VWA8: variants seen among roughly 807,000 people sequenced by gnomAD.
VWA8 encodes the protein von Willebrand factor A domain containing 8, also known as von Willebrand factor A domain-containing protein 8.
Under a neutral mutation model 241.5 loss-of-function variants are expected in VWA8, and 221 were observed. That is an observed-to-expected ratio of 0.91 (90% CI 0.82 to 1.02). The LOEUF is 1.02. Ranked by LOEUF, VWA8 falls within the 50% of genes least tolerant of loss-of-function variation. VWA8 has a pLI of 0.00. For synonymous variants in VWA8, 852 were observed against 827.1 expected (o/e 1.03, Z -0.52); for missense variants, 2,322 against 2,328.7 (o/e 1.00, Z 0.06).
rs561304193 is a variant in VWA8, at chr13:41,782,057, G to C, written c.2277+1738C>G. Among the ~76,000 whole-genome samples, 3 of 152,302 alleles carry C rather than the reference G, an allele frequency of 2.0e-5. No homozygotes were observed. The South Asian group carries it at 6.2e-4, about 32-fold the overall frequency. ...ACACAATGGAAGCAAATTTAATCAA[G>C]CTACTGTCCGTACAATTGGTACAGC... On this transcript the variant is annotated intron_variant, in intron 19 of 44. Coordinates refer to ENST00000379310, the MANE Select transcript of VWA8 (RefSeq NM_015058.2).
chr13:41,771,619 C>T (rs1439234269), intron 20 of VWA8, among the ~76,000 whole-genome samples: 3 of 152,106 alleles, frequency 2.0e-5, no homozygotes, highest in South Asian at 4.1e-4. Flanking sequence ...TGCTCTGTCA[C>T]CCAGGCTGGA....
intron 17 of VWA8, among the ~76,000 whole-genome samples, chr13:41,802,484 A>C (rs145037828): frequency 1.3e-5 from 2 of 152,156 alleles, no homozygotes; most frequent in African/African-American, 4.8e-5. Context: ...GTTGGAGTGC[A>C]TGTGACCCAG....
intron 42 of VWA8, among the ~76,000 whole-genome samples, chr13:41,586,845 G>T (rs1264524123): frequency 6.6e-6 from 1 of 152,058 alleles, no homozygotes; most frequent in Admixed American, 6.6e-5. Context: ...TAATTACATG[G>T]CATGTGACTG....
At chr13:41,882,804 G>A (rs1342362608) in intron 9 of VWA8, among the ~76,000 whole-genome samples, 1 of 152,110 alleles carries the variant, frequency 6.6e-6, no homozygotes, top group Non-Finnish European at 1.5e-5. Context: ...GAAAGAGAGG[G>A]AGAGGGAGAC....
Position 41,703,331 on chromosome 13 carries a change from G to A in VWA8, c.3197C>T (p.Pro1066Leu). ...ARSGMQKLLC[P>L]VETHHIDIKG... is the part of the protein sequence containing the mutation. Reference sequence around the variant, plus strand: ...TATGTCTATATGATGAGTTTCCACTGGACACAAGAGTTTTTGCATCCCACT... The same window carrying A: ...TATGTCTATATGATGAGTTTCCACTAGACACAAGAGTTTTTGCATCCCACT... Residue 1066 changes from proline (P) to leucine (L), a missense_variant, in exon 27 of 45, where the codon CCA becomes CTA. Physicochemically the swap from Pro to Leu is moderately conservative, Grantham distance 98 (BLOSUM62 -3). Transcript: ENST00000379310. 1 of 1,613,970 alleles carries A rather than the reference G, an allele frequency of 6.2e-7. No homozygotes were observed. Among genetic ancestry groups the A allele is most frequent in the Non-Finnish European group, 8.5e-7 (1 of 1,179,896 alleles).
At chr13:41,570,430 T>C (rs1214290684) in intron 44 of VWA8, 38 bp downstream of exon 44, 3 of 1,571,144 alleles carry the variant, frequency 1.9e-6, no homozygotes, top group African/African-American at 2.7e-5. Context: ...TCAGTATCTC[T>C]GTACCTGCCC....
At chr13:41,729,095 G>A (rs2045460103) in intron 23 of VWA8, among the ~76,000 whole-genome samples, 1 of 151,940 alleles carries the variant, frequency 6.6e-6, no homozygotes, top group Middle Eastern at 3.4e-3. Flanking sequence ...AAAAAACAGA[G>A]GATAACTTCT....
intron 37 of VWA8, among the ~76,000 whole-genome samples, chr13:41,653,981 C>A (rs950281116): frequency 3.9e-5 from 6 of 152,162 alleles, no homozygotes; most frequent in African/African-American, 1.4e-4. Context: ...AAATACCATT[C>A]TGGACATCAG....
chr13:41,901,781 G>T, intron 4 of VWA8, among the ~76,000 whole-genome samples: 1 of 142,956 alleles, frequency 7.0e-6, no homozygotes, highest in East Asian at 2.2e-4. Context: ...CACGAGAATT[G>T]CTTGTACCCA....
At chr13:41,702,929 C>A (rs937225407) in intron 27 of VWA8, among the ~76,000 whole-genome samples, 2 of 152,148 alleles carry the variant, frequency 1.3e-5, no homozygotes, top group African/African-American at 4.8e-5. Flanking sequence ...ACTTCTATTA[C>A]AACTAGTAAC....
In VWA8 at chr13:41,703,364, T is replaced by G; in HGVS notation, c.3164A>C (p.Gln1055Pro). ...QTFMGYWTIG[Q>P]ARSGMQKLLC... is the part of the protein sequence containing the mutation. ...GAGTTTTTGCATCCCACTTCTTGCCTGACCAATTGTCCAGTAGCCCATGAA... is the reference window on the plus strand; with the variant it reads ...GAGTTTTTGCATCCCACTTCTTGCCGGACCAATTGTCCAGTAGCCCATGAA... Residue 1055 changes from glutamine to proline, a missense_variant, in exon 27 of 45, where the codon CAG (glutamine) becomes CCG (proline). By Grantham distance (76) the Gln-to-Pro change is moderately conservative. Transcript: ENST00000379310. 1 of 1,614,130 alleles carries G rather than the reference T, an allele frequency of 6.2e-7. No individual in the cohort carries two copies. The highest frequency in any genetic ancestry group is 8.5e-7 in the Non-Finnish European group (1 of 1,179,984).
At chr13:41,760,114 T>G (rs1331037) in intron 21 of VWA8, among the ~76,000 whole-genome samples, 114,186 of 151,520 alleles carry the variant, frequency 0.75, 44,278 homozygotes, top group East Asian at 0.89. Context: ...AATACCAGGG[T>G]TATTTAATGA....
chr13:41,690,108 C>T (rs1382695152), intron 33 of VWA8, 58 bp downstream of exon 33: 17 of 1,440,916 alleles, frequency 1.2e-5, no homozygotes, highest in Non-Finnish European at 1.6e-5. Flanking sequence ...TTCTAGAAGA[C>T]AGTATATGTA....
chr13:41,869,812 C>T (rs1057468513), intron 9 of VWA8, among the ~76,000 whole-genome samples: 1 of 151,846 alleles, frequency 6.6e-6, no homozygotes, highest in Non-Finnish European at 1.5e-5. Context: ...AAGTTCTATG[C>T]CTTATTTATA....
At chr13:41,708,573 T>A (rs558746606) in intron 26 of VWA8, among the ~76,000 whole-genome samples, 3 of 152,208 alleles carry the variant, frequency 2.0e-5, no homozygotes, top group African/African-American at 7.2e-5. Context: ...CTGCAAATGA[T>A]GTATACCTGA....
chr13:41,930,376 C>G (rs1877048562), intron 2 of VWA8, among the ~76,000 whole-genome samples: 1 of 152,134 alleles, frequency 6.6e-6, no homozygotes, highest in Admixed American at 6.5e-5. Context: ...GATATATACC[C>G]AAAGGAAATA....
At chr13:41,939,959 T>C (rs78912144) in intron 2 of VWA8, among the ~76,000 whole-genome samples, 2,719 of 152,324 alleles carry the variant, frequency 0.018, 86 homozygotes, top group African/African-American at 0.061. Flanking sequence ...TATTTTTCAA[T>C]AATCTTTCAC....
intron 26 of VWA8, among the ~76,000 whole-genome samples, chr13:41,703,710 A>G (rs921454796): frequency 6.6e-6 from 1 of 152,146 alleles, no homozygotes; most frequent in Non-Finnish European, 1.5e-5. Flanking sequence ...TTGAACATCT[A>G]AATTTCTGGT....
At chr13:41,703,260 T>C (rs1343142262) in intron 27 of VWA8, 43 bp downstream of exon 27, 1 of 1,525,898 alleles carries the variant, frequency 6.6e-7, no homozygotes, top group African/African-American at 1.4e-5. Flanking sequence ...CAGCAAAATT[T>C]ATAAGGTTCA....
Sources: gnomAD v4.1 joint callset for allele counts (sites outside exome capture counted in the v4.1 genomes callset) on GRCh38, gnomAD v4.1.1 for gene constraint, MANE v1.5 for transcripts, NCBI Gene and HGNC (gene_info 2026-07-23, HGNC 2026-07-21) for gene names.